The following ZBTB7C variants were observed in gnomAD, a reference collection of about 807,000 sequenced individuals.
The protein encoded by ZBTB7C is zinc finger and BTB domain containing 7C.
Under a neutral mutation model 25.7 loss-of-function variants are expected in ZBTB7C, and 8 were observed. The ratio of observed to expected loss-of-function variants is 0.31; its 90% CI spans 0.18 to 0.56. The LOEUF (loss-of-function observed/expected upper bound fraction) is 0.56, where lower values mean the gene tolerates loss of function less well. Ranked by LOEUF, ZBTB7C falls within the 20% of genes least tolerant of loss-of-function variation. The pLI is 0.91. For synonymous variants in ZBTB7C, 394 were observed against 369.0 expected (o/e 1.07, Z -0.78); for missense variants, 824 against 855.2 (o/e 0.96, Z 0.46).
intron 2 of ZBTB7C, among the ~76,000 whole-genome samples, chr18:48,242,497 T>C (rs184399105): frequency 2.6e-5 from 4 of 152,234 alleles, no homozygotes; most frequent in Admixed American, 2.0e-4. Flanking sequence ...AAAGATAATA[T>C]ACCATGATCG....
At chr18:48,063,734 T>C (rs1055556948) in intron 3 of ZBTB7C, among the ~76,000 whole-genome samples, 9 of 152,208 alleles carry the variant, frequency 5.9e-5, no homozygotes, top group African/African-American at 2.2e-4. Flanking sequence ...TATGGGGCTA[T>C]GGGGATTATG....
At chr18:48,275,552 C>G (rs1475477957) in intron 2 of ZBTB7C, among the ~76,000 whole-genome samples, 1 of 152,164 alleles carries the variant, frequency 6.6e-6, no homozygotes, top group Non-Finnish European at 1.5e-5. Context: ...TGCCCTAAAT[C>G]ACAGGGTTCA....
At chr18:48,109,470 A>G (rs1481597163) in intron 3 of ZBTB7C, among the ~76,000 whole-genome samples, 1 of 152,190 alleles carries the variant, frequency 6.6e-6, no homozygotes, top group African/African-American at 2.4e-5. Flanking sequence ...AGAACTGGAA[A>G]GATCCAGACA....
chr18:48,319,820 C>T (rs1178211814), intron 2 of ZBTB7C, among the ~76,000 whole-genome samples: 1 of 152,056 alleles, frequency 6.6e-6, no homozygotes, highest in African/African-American at 2.4e-5. Context: ...AGGCAGCCCA[C>T]ACACAGACCA....
chr18:48,375,594 C>T (rs2047501240), intron 1 of ZBTB7C: 1 of 152,222 alleles, frequency 6.6e-6, no homozygotes, highest in Non-Finnish European at 1.5e-5. Flanking sequence ...TGTGTGTACA[C>T]ATACACACAC....
intron 3 of ZBTB7C, among the ~76,000 whole-genome samples, chr18:48,122,311 T>C (rs915518272): frequency 2.6e-5 from 4 of 152,252 alleles, no homozygotes; most frequent in Admixed American, 6.5e-5. Context: ...TGGTCGACAA[T>C]TGATATTACC....
rs7235423 is a variant in ZBTB7C at position 48,029,738 on chromosome 18, T to G, written c.1382A>C (p.Asp461Ala). The change falls in exon 5 of 5, where the codon GAC (aspartate) becomes GCC (alanine). Residue 461 changes from aspartate to alanine, a missense_variant. This residue lies in a region of ZBTB7C where 342 missense variants were observed against 307.0 expected (regional missense o/e 1.11). Coordinates refer to ENST00000590800, the MANE Select transcript of ZBTB7C (RefSeq NM_001318841.2). ...GCGCTTGATGTGGCGGTGCAGGTGGTCAGAGCGCGTGAAGCTCTTGTAGCA... is the reference window on the plus strand; with the variant it reads ...GCGCTTGATGTGGCGGTGCAGGTGGGCAGAGCGCGTGAAGCTCTTGTAGCA... ...EFCYKSFTRS[D>A]HLHRHIKRQS... 1 of 1,605,770 alleles carries G rather than the reference T, an allele frequency of 6.2e-7. No individual in the cohort carries two copies. Among genetic ancestry groups the G allele is most frequent in the East Asian group, 2.2e-5 (1 of 44,864 alleles).
intron 2 of ZBTB7C, among the ~76,000 whole-genome samples, chr18:48,277,586 C>T (rs1421673808): frequency 6.6e-6 from 1 of 152,230 alleles, no homozygotes; most frequent in Non-Finnish European, 1.5e-5. Context: ...AACTAATACG[C>T]TGCTTAACCA....
chr18:48,296,112 GCCTCACCAACCACCTGCCATGCC>G (rs926173020), intron 2 of ZBTB7C, among the ~76,000 whole-genome samples: 4 of 152,174 alleles, frequency 2.6e-5, no homozygotes, highest in Non-Finnish European at 4.4e-5. Flanking sequence ...CGTGGCCTGG[GCCTCACCAACCACCTGCCATGCC>G]CATGCGCCTT....
At chr18:48,077,081 C>CA (rs2037795671) in intron 3 of ZBTB7C, 1 of 486,764 alleles carries the variant, frequency 2.1e-6, no homozygotes, top group Admixed American at 7.4e-5. Flanking sequence ...AAAAAAAAAG[C>CA]ATTTCCTCCT....
At chr18:48,143,493 T>A (rs1398280960) in intron 3 of ZBTB7C, among the ~76,000 whole-genome samples, 1 of 152,176 alleles carries the variant, frequency 6.6e-6, no homozygotes, top group African/African-American at 2.4e-5. Context: ...CAAGCCAGGA[T>A]CCCTGAGGGT....
intron 1 of ZBTB7C, among the ~76,000 whole-genome samples, chr18:48,376,448 G>C (rs1424063081): frequency 6.6e-6 from 1 of 152,144 alleles, no homozygotes; most frequent in African/African-American, 2.4e-5. Context: ...TACTGTTTTG[G>C]GGCACGATGT....
chr18:48,030,720 A>G (rs1263148466), intron 4 of ZBTB7C, among the ~76,000 whole-genome samples: 3 of 152,250 alleles, frequency 2.0e-5, no homozygotes, highest in Non-Finnish European at 4.4e-5. Context: ...CAGGCAAGTT[A>G]CTTAACCTCA....
intron 2 of ZBTB7C, among the ~76,000 whole-genome samples, chr18:48,311,890 G>A (rs1342987678): frequency 6.6e-6 from 1 of 152,200 alleles, no homozygotes; most frequent in South Asian, 2.1e-4. Context: ...TTTGATTCCT[G>A]AAATTTCTCA....
chr18:48,146,448 T>G (rs6417101), intron 3 of ZBTB7C, among the ~76,000 whole-genome samples: 1 of 152,068 alleles, frequency 6.6e-6, no homozygotes, highest in African/African-American at 2.4e-5. Context: ...AGGCTATATA[T>G]GTTTGGGTAT....
At chr18:48,061,979 G>A (rs757084460) in intron 3 of ZBTB7C, among the ~76,000 whole-genome samples, 1 of 152,202 alleles carries the variant, frequency 6.6e-6, no homozygotes, top group Non-Finnish European at 1.5e-5. Context: ...GTGCCGATGT[G>A]TGCTCTGCAG....
intron 1 of ZBTB7C, among the ~76,000 whole-genome samples, chr18:48,384,805 C>A (rs2047709402): frequency 6.6e-6 from 1 of 152,104 alleles, no homozygotes; most frequent in Non-Finnish European, 1.5e-5. Flanking sequence ...CCTCAGCCTC[C>A]CGAATAGCCA....
At chr18:48,228,037 T>C (rs767084283) in intron 2 of ZBTB7C, among the ~76,000 whole-genome samples, 11 of 151,848 alleles carry the variant, frequency 7.2e-5, no homozygotes, top group Non-Finnish European at 1.6e-4. Context: ...GGCAAAAAGG[T>C]GATGGAGAGG....
At chr18:48,263,938 G>A (rs1380053260) in intron 2 of ZBTB7C, among the ~76,000 whole-genome samples, 1 of 152,142 alleles carries the variant, frequency 6.6e-6, no homozygotes, top group African/African-American at 2.4e-5. Context: ...GTAGACAAGT[G>A]AGAACATTTG....
Sources: gnomAD v4.1 joint callset for allele counts (sites outside exome capture counted in the v4.1 genomes callset) on GRCh38, gnomAD v4.1.1 for gene constraint, gnomAD v4.1.1 regional missense constraint, MANE v1.5 for transcripts, NCBI Gene and HGNC (gene_info 2026-07-23, HGNC 2026-07-21) for gene names.